The following RBM47 variants were observed in gnomAD, a reference collection of about 807,000 sequenced individuals.
RBM47 encodes RNA binding motif protein 47, also known as RNA-binding protein 47.
A neutral mutation model predicts 47.1 loss-of-function variants in RBM47; 21 were observed. The observed-to-expected ratio is 0.45, with a 90% CI of 0.32 to 0.64. The LOEUF (loss-of-function observed/expected upper bound fraction) is 0.64. Ranked by LOEUF, RBM47 falls within the 30% of genes least tolerant of loss-of-function variation. The pLI, the probability that RBM47 is intolerant of heterozygous loss-of-function variation, is 0.05. For missense variants in RBM47, 708 were observed against 870.9 expected, an observed-to-expected ratio of 0.81 and a Z score of 2.35; for synonymous variants, 375 against 361.7, an observed-to-expected ratio of 1.04 and a Z score of -0.42.
chr4:40,540,149 T>C (rs1284939350), intron 2 of RBM47, among the ~76,000 whole-genome samples: 2 of 152,140 alleles, frequency 1.3e-5, no homozygotes, highest in Non-Finnish European at 2.9e-5. Flanking sequence ...TCAGGTGCCA[T>C]GTTGATCAAG....
intron 1 of RBM47, among the ~76,000 whole-genome samples, chr4:40,585,869 T>G (rs546316488): frequency 6.6e-6 from 1 of 152,244 alleles, no homozygotes; most frequent in East Asian, 1.9e-4. Flanking sequence ...ATGTGTTGAA[T>G]GAGTGGATGA....
chr4:40,604,798 C>T (rs954322702), intron 1 of RBM47, among the ~76,000 whole-genome samples: 1 of 152,130 alleles, frequency 6.6e-6, no homozygotes, highest in Non-Finnish European at 1.5e-5. Flanking sequence ...CTCACTGCAA[C>T]CTCTGCCTCC....
Position 40,438,735 on chromosome 4 carries a change from G to A in RBM47, c.159C>T (p.Arg53=). The part of the protein sequence containing the change: ...GYSMVQENGQ[R]KYGGPPPGWE... ...AGCCGGGCGGTGGGCCGCCGTACTT[G>A]CGCTGCCCGTTCTCTTGCACCATGC... Residue 53 remains arginine (R), a synonymous_variant, in exon 4 of 7, where the codon CGC becomes CGT. Coordinates refer to ENST00000295971, the MANE Select transcript of RBM47 (RefSeq NM_001098634.2). 1.2e-6 allele frequency: 2 copies of A among 1,603,520 alleles called. No homozygotes were observed. Among genetic ancestry groups the A allele is most frequent in the Middle Eastern group, 1.7e-4 (1 of 6,046 alleles).
Position 40,519,659 on chromosome 4 carries a change from C to CTTT in RBM47, c.-155+24760_-155+24762dup, listed in dbSNP as rs35250968. Among the ~76,000 whole-genome samples the CTTT allele has an allele frequency of 1.3e-3, 125 of 96,318 alleles. 11 individuals are homozygous for CTTT. The highest frequency in any genetic ancestry group is 2.0e-3 in the African/African-American group (53 of 26,092). The allele number at this position is 96,318 out of a possible 152,430, so 63.2% of individuals were successfully genotyped here. A position where few individuals can be genotyped will look rare whatever the true frequency, so the allele number is the denominator to read the frequency against. On this transcript the variant is annotated intron_variant, in intron 2 of 6. Transcript: ENST00000295971. ...TCCCACTTCCCTCTACCCTACCCTCCTTTTTTTTTTTTTTTTTTTTTTTTT... is the reference window on the plus strand; with the variant it reads ...TCCCACTTCCCTCTACCCTACCCTCCTTTTTTTTTTTTTTTTTTTTTTTTTTTT...
intron 1 of RBM47, among the ~76,000 whole-genome samples, chr4:40,614,239 C>A (rs1410802112): frequency 6.6e-6 from 1 of 152,112 alleles, no homozygotes; most frequent in Non-Finnish European, 1.5e-5. Context: ...CCCCCATCCA[C>A]CCAACCCCCA....
At chr4:40,546,994 A>G (rs1444013614) in intron 1 of RBM47, among the ~76,000 whole-genome samples, 1 of 152,214 alleles carries the variant, frequency 6.6e-6, no homozygotes, top group Non-Finnish European at 1.5e-5. Context: ...AAACATGAAT[A>G]TGGTACCAAG....
At chr4:40,523,653 GAA>G (rs374751255) in intron 2 of RBM47, among the ~76,000 whole-genome samples, 3 of 143,478 alleles carry the variant, frequency 2.1e-5, no homozygotes, top group African/African-American at 7.6e-5. Context: ...CTCCATCTAG[GAA>G]AAAAAAAAAA....
chr4:40,591,520 C>T (rs986671406), intron 1 of RBM47, among the ~76,000 whole-genome samples: 3 of 151,976 alleles, frequency 2.0e-5, no homozygotes, highest in Admixed American at 6.6e-5. Flanking sequence ...CATGGTGAAA[C>T]CCCATCTCAA....
At chr4:40,556,099 G>T (rs565049479) in intron 1 of RBM47, among the ~76,000 whole-genome samples, 1 of 150,292 alleles carries the variant, frequency 6.7e-6, no homozygotes, top group African/African-American at 2.5e-5. Context: ...GCGGTGGCGT[G>T]ATCTTGGCTC....
chr4:40,523,121 A>C (rs1207337298), intron 2 of RBM47, among the ~76,000 whole-genome samples: 1 of 151,774 alleles, frequency 6.6e-6, no homozygotes, highest in Non-Finnish European at 1.5e-5. Context: ...ATGCGCCACT[A>C]TGCCTGGCTA....
intron 3 of RBM47, among the ~76,000 whole-genome samples, chr4:40,465,477 C>T (rs1258475750): frequency 6.6e-6 from 1 of 152,112 alleles, no homozygotes; most frequent in South Asian, 2.1e-4. Context: ...CTGGGCAACA[C>T]AGTGAAACCC....
intron 2 of RBM47, among the ~76,000 whole-genome samples, chr4:40,481,925 T>C (rs1038201363): frequency 6.6e-6 from 1 of 152,032 alleles, no homozygotes; most frequent in Non-Finnish European, 1.5e-5. Context: ...CCTCAGGCGA[T>C]CCACCGGCCT....
At chr4:40,499,220 T>G (rs1723034939) in intron 2 of RBM47, among the ~76,000 whole-genome samples, 1 of 151,950 alleles carries the variant, frequency 6.6e-6, no homozygotes, top group Admixed American at 6.5e-5. Flanking sequence ...CAAAACCAAT[T>G]AGTACATACT....
At chr4:40,473,099 C>T (rs1376959634) in intron 2 of RBM47, among the ~76,000 whole-genome samples, 2 of 152,116 alleles carry the variant, frequency 1.3e-5, no homozygotes, top group Non-Finnish European at 2.9e-5. Context: ...AACTCACAAC[C>T]TAAGTAACAT....
intron 4 of RBM47, 75 bp from the exon 5 acceptor site, chr4:40,436,722 TC>T: frequency 6.8e-7 from 1 of 1,460,520 alleles, no homozygotes; most frequent in Admixed American, 1.7e-5. Context: ...CCCTCGGTTC[TC>T]GGCATTTAAC....
intron 1 of RBM47, among the ~76,000 whole-genome samples, chr4:40,607,367 G>C (rs760937940): frequency 6.6e-6 from 1 of 152,186 alleles, no homozygotes; most frequent in Non-Finnish European, 1.5e-5. Flanking sequence ...GAAATGAGAA[G>C]TGATTGCTTA....
At chr4:40,630,384 TC>T (rs1738121629), upstream of RBM47, 1 of 151,992 alleles carries the variant, frequency 6.6e-6, no homozygotes, top group African/African-American at 2.4e-5. Context: ...CATAAACAAG[TC>T]GCTGGACGAG....
intron 2 of RBM47, among the ~76,000 whole-genome samples, chr4:40,476,923 G>A (rs761898892): frequency 3.9e-5 from 6 of 152,208 alleles, no homozygotes; most frequent in Non-Finnish European, 7.3e-5. Flanking sequence ...ACTGGAAGGA[G>A]CCAGAGTTGG....
chr4:40,518,168 T>C (rs765814761), intron 2 of RBM47, among the ~76,000 whole-genome samples: 211 of 125,822 alleles, frequency 1.7e-3, no homozygotes, highest in African/African-American at 5.7e-3. Context: ...CTTTTTTTTT[T>C]TTTTTTTTTT....
Sources: gnomAD v4.1 joint callset for allele counts (sites outside exome capture counted in the v4.1 genomes callset) on GRCh38, gnomAD v4.1.1 for gene constraint, MANE v1.5 for transcripts, NCBI Gene and HGNC (gene_info 2026-07-23, HGNC 2026-07-21) for gene names.